Variants in BCKDHB observed in about 807,000 individuals in gnomAD.
The protein encoded by BCKDHB is branched chain keto acid dehydrogenase E1 subunit beta.
BCKDHB carries 41 observed loss-of-function variants against 48.5 expected under a neutral mutation model. That is an observed-to-expected ratio of 0.85 (90% confidence interval 0.66 to 1.10). The LOEUF (loss-of-function observed/expected upper bound fraction) is 1.10. Ranked by LOEUF, BCKDHB falls within the 50% of genes least tolerant of loss-of-function variation. BCKDHB has a pLI of 0.00. For synonymous variants in BCKDHB, 201 were observed against 174.8 expected (o/e 1.15, Z -1.18); for missense variants, 496 against 494.2 (o/e 1.00, Z -0.03).
At chr6:80,338,404 C>T (rs937275344) in intron 9 of BCKDHB, among the ~76,000 whole-genome samples, 1 of 152,164 alleles carries the variant, frequency 6.6e-6, no homozygotes, top group Non-Finnish European at 1.5e-5. Flanking sequence ...ACCCCGGAAC[C>T]AGCAATTAGC....
Position 80,179,649 on chromosome 6 carries a change from T to C in BCKDHB, c.742+8259T>C, listed in dbSNP as rs150185142. 1.7e-3 allele frequency among the ~76,000 whole-genome samples: 264 copies of C among 152,264 alleles called. 1 individual carries two copies. The highest frequency in any genetic ancestry group is 6.0e-3 in the African/African-American group (250 of 41,550). On this transcript the variant is annotated intron_variant, in intron 6 of 9. Coordinates refer to ENST00000320393, the MANE Select transcript of BCKDHB (RefSeq NM_183050.4). The stretch of plus-strand genomic sequence containing the variant: ...GACTGCACTATTCATAGCCATGACT[T>C]AAGGTAGTACATCCCTATGTAGTAT...
chr6:80,305,198 TA>T (rs1025959755), intron 9 of BCKDHB, among the ~76,000 whole-genome samples: 7 of 152,118 alleles, frequency 4.6e-5, no homozygotes, highest in Admixed American at 3.9e-4. Flanking sequence ...ATAAAAACTT[TA>T]AAAAACATCA....
At chr6:80,444,280 A>T in the BCKDHB span, among the ~76,000 whole-genome samples, 1 of 152,132 alleles carries the variant, frequency 6.6e-6, no homozygotes, top group East Asian at 1.9e-4. Flanking sequence ...TTAATATAAA[A>T]TTAATATTTA....
chr6:80,196,597 A>G (rs1326815310), intron 6 of BCKDHB, among the ~76,000 whole-genome samples: 1 of 152,136 alleles, frequency 6.6e-6, no homozygotes, highest in Non-Finnish European at 1.5e-5. Context: ...TATATTGAGT[A>G]TGCAGCAACT....
chr6:80,218,034 G>T (rs16891545), intron 8 of BCKDHB, among the ~76,000 whole-genome samples: 17,226 of 152,154 alleles, frequency 0.11, 1,323 homozygotes, highest in African/African-American at 0.21. Flanking sequence ...GCTTGAGTCA[G>T]CGCTGTGGCT....
chr6:80,396,002 C>G, the BCKDHB span, among the ~76,000 whole-genome samples: 5 of 152,330 alleles, frequency 3.3e-5, no homozygotes, highest in African/African-American at 1.2e-4. Context: ...TCCTAGATTT[C>G]AGAGGATGTA....
At chr6:80,422,426 C>T in the BCKDHB span, among the ~76,000 whole-genome samples, 1 of 152,148 alleles carries the variant, frequency 6.6e-6, no homozygotes, top group South Asian at 2.1e-4. Context: ...GTTGGTGCAC[C>T]CACACAGAGT....
intron 8 of BCKDHB, among the ~76,000 whole-genome samples, chr6:80,204,398 A>G (rs2127828918): frequency 6.6e-6 from 1 of 152,254 alleles, no homozygotes; most frequent in East Asian, 1.9e-4. Context: ...TGAGTTATTC[A>G]TAGCTTCATG....
intron 9 of BCKDHB, among the ~76,000 whole-genome samples, chr6:80,314,042 G>A (rs1768307015): frequency 6.6e-6 from 1 of 152,150 alleles, no homozygotes; most frequent in South Asian, 2.1e-4. Flanking sequence ...AAGTCATTCA[G>A]AGCAGGTTGT....
At position 80,220,405 on chromosome 6, in the gene BCKDHB, G is replaced by GTT. The variant is rs58469565; in HGVS notation, c.951+17210_951+17211dup. Among the ~76,000 whole-genome samples, 123 of 33,836 alleles carry GTT rather than the reference G, an allele frequency of 3.6e-3. 2 individuals are homozygous for GTT. Among genetic ancestry groups the GTT allele is most frequent in the East Asian group, 6.2e-3 (4 of 642 alleles). The allele number at this position is 33,836 out of a possible 152,430, so 22.2% of individuals were successfully genotyped here. ...AGATTATCTCTGTTTCTTTAGTAGT[G>GTT]TTTTTTTTTTTTTTTTTTGGTCATA... is the stretch of plus-strand genomic sequence containing the variant. On this transcript the variant is annotated intron_variant, in intron 8 of 9. Transcript: ENST00000320393.
chr6:80,163,311 C>CT lies in BCKDHB; in HGVS notation c.344-4352dup, dbSNP rs34383985. On this transcript the variant is annotated intron_variant, in intron 3 of 9. Transcript: ENST00000320393. ...CTCACTTGAAGTCACTGCAATTAAGCTTTTTTTTTTTTTTTCTCTTCTCTC... is the reference window on the plus strand; with the variant it reads ...CTCACTTGAAGTCACTGCAATTAAGCTTTTTTTTTTTTTTTTCTCTTCTCTC... Among the ~76,000 whole-genome samples the CT allele has an allele frequency of 1.0e-3, 144 of 138,106 alleles. 1 individual carries two copies. The highest frequency in any genetic ancestry group is 2.7e-3 in the African/African-American group (98 of 36,720). 90.6% of individuals were successfully genotyped at this position (138,106 alleles called of 152,430 possible). A position where few individuals can be genotyped will look rare whatever the true frequency, so the allele number is the denominator to read the frequency against.
chr6:80,374,653 T>C, the BCKDHB span: 1 of 471,760 alleles, frequency 2.1e-6, no homozygotes, highest in Non-Finnish European at 3.9e-6. Context: ...ACATTCAATG[T>C]TATTATTGAG....
chr6:80,341,748 A>C (rs981922904), intron 9 of BCKDHB, among the ~76,000 whole-genome samples: 1 of 152,176 alleles, frequency 6.6e-6, no homozygotes, highest in Non-Finnish European at 1.5e-5. Context: ...TTTTGCCCTT[A>C]ATTCTCCATG....
intron 1 of BCKDHB, among the ~76,000 whole-genome samples, chr6:80,120,323 C>A (rs1769938179): frequency 7.2e-6 from 1 of 138,296 alleles, no homozygotes; most frequent in Non-Finnish European, 1.6e-5. Context: ...AATAAACATA[C>A]ATGTGCATGT....
the BCKDHB span, among the ~76,000 whole-genome samples, chr6:80,429,609 C>T: frequency 6.6e-6 from 1 of 152,086 alleles, no homozygotes; most frequent in African/African-American, 2.4e-5. Context: ...AGTTGGATTC[C>T]TAGGTATTTT....
intron 8 of BCKDHB, among the ~76,000 whole-genome samples, chr6:80,208,914 A>T (rs1303610468): frequency 1.1e-4 from 17 of 151,910 alleles, no homozygotes; most frequent in Admixed American, 1.1e-3. Context: ...TTATAAGGCC[A>T]GCATAATCTT....
intron 6 of BCKDHB, among the ~76,000 whole-genome samples, chr6:80,197,369 A>G (rs1774179440): frequency 6.6e-6 from 1 of 151,040 alleles, no homozygotes; most frequent in Admixed American, 6.6e-5. Flanking sequence ...CAAATCTAAG[A>G]GGAGGTTTTT....
At chr6:80,137,773 C>T (rs959378012) in intron 3 of BCKDHB, among the ~76,000 whole-genome samples, 12 of 151,918 alleles carry the variant, frequency 7.9e-5, no homozygotes, top group Admixed American at 2.6e-4. Flanking sequence ...AATAACTGTC[C>T]GTACCAAAAT....
intron 6 of BCKDHB, among the ~76,000 whole-genome samples, chr6:80,195,972 A>C (rs1292373732): frequency 6.6e-6 from 1 of 152,300 alleles, no homozygotes; most frequent in East Asian, 1.9e-4. Context: ...TGTGTAATGC[A>C]ATATGAATAA....
Sources: allele counts gnomAD v4.1 joint callset (sites outside exome capture counted in the v4.1 genomes callset), GRCh38; gene constraint gnomAD v4.1.1; transcripts MANE v1.5; gene names NCBI Gene and HGNC (gene_info 2026-07-23, HGNC 2026-07-21).